CTNND2: variants seen among roughly 807,000 people sequenced by gnomAD.
CTNND2 encodes catenin delta 2.
A neutral mutation model predicts 144.4 loss-of-function variants in CTNND2; 22 were observed. That is an observed-to-expected ratio of 0.15 (90% CI 0.11 to 0.22). The LOEUF (loss-of-function observed/expected upper bound fraction) is 0.22. CTNND2 is among the 10% of genes least tolerant of loss of function. CTNND2 has a pLI of 1.00. For synonymous variants in CTNND2, 751 were observed against 695.6 expected (o/e 1.08, Z -1.25); for missense variants, 1,353 against 1,618.8 (o/e 0.84, Z 2.82).
intron 1 of CTNND2, among the ~76,000 whole-genome samples, chr5:11,880,048 T>A (rs1261712253): frequency 6.6e-6 from 1 of 152,154 alleles, no homozygotes; most frequent in African/African-American, 2.4e-5. Context: ...ATTCAACTCT[T>A]GCCAATCCAT....
In CTNND2 at chr5:11,798,259, CAAAAAAA is replaced by C. The variant is rs78238644; in HGVS notation, c.38-65994_38-65988del. On this transcript the variant is annotated intron_variant, in intron 1 of 21. Transcript: ENST00000304623. ...CCTGGGTGACAGAGTGAGACTGTTT[CAAAAAAA>C]AAAAAAAAAAAGGTTTGTGTGTCTT... 9.9e-5 allele frequency among the ~76,000 whole-genome samples: 6 copies of C among 60,470 alleles called. No homozygotes were observed. In the East Asian group the frequency reaches 2.2e-3, roughly 22 times the overall value. The allele number at this position is 60,470 out of a possible 152,430, so 39.7% of individuals were successfully genotyped here.
intron 15 of CTNND2, among the ~76,000 whole-genome samples, chr5:11,089,695 C>A (rs938144184): frequency 1.3e-5 from 2 of 152,196 alleles, no homozygotes; most frequent in Non-Finnish European, 2.9e-5. Flanking sequence ...ACCACTTCCA[C>A]AAAACGACTG....
At chr5:11,757,335 T>C (rs984268579) in intron 1 of CTNND2, among the ~76,000 whole-genome samples, 1 of 151,848 alleles carries the variant, frequency 6.6e-6, no homozygotes, top group African/African-American at 2.4e-5. Flanking sequence ...CCCACTGTAT[T>C]GATGTATCAT....
intron 16 of CTNND2, among the ~76,000 whole-genome samples, chr5:11,047,298 A>G (rs1299032421): frequency 6.6e-6 from 1 of 152,214 alleles, no homozygotes; most frequent in Non-Finnish European, 1.5e-5. Context: ...AACTGGTTCT[A>G]CAGGAACGCA....
chr5:11,816,291 C>T (rs1373329684), intron 1 of CTNND2, among the ~76,000 whole-genome samples: 2 of 152,118 alleles, frequency 1.3e-5, no homozygotes, highest in Non-Finnish European at 2.9e-5. Flanking sequence ...CAAAAGAGAA[C>T]TGAGCTTGAA....
chr5:11,058,014 T>G (rs1430271742), intron 16 of CTNND2, among the ~76,000 whole-genome samples: 1 of 152,196 alleles, frequency 6.6e-6, no homozygotes, highest in African/African-American at 2.4e-5. Flanking sequence ...CAGCAAAGCA[T>G]TCAAAAGGTG....
chr5:11,098,663 T>C lies in CTNND2; in HGVS notation c.2549A>G (p.Tyr850Cys). The C allele has an allele frequency of 6.2e-7, 1 of 1,614,104 alleles. No individual in the cohort carries two copies. Among genetic ancestry groups the C allele is most frequent in the Non-Finnish European group, 8.5e-7 (1 of 1,180,000 alleles). The change falls in exon 15 of 22, where the codon TAC becomes TGC. Residue 850 changes from tyrosine to cysteine, a missense_variant. By Grantham distance (194) the Tyr-to-Cys change is radical (BLOSUM62 -2). Around this residue, in one of 4 missense-constraint regions of CTNND2, gnomAD observed 459 missense variants for 674.3 expected, o/e 0.68. Coordinates refer to ENST00000304623, the MANE Select transcript of CTNND2 (RefSeq NM_001332.4). ...MLWHPSIVKP[Y>C]LTLLSECSNP... ...TGAGCACTCAGAGAGCAGTGTGAGG[T>C]AGGGTTTGACTATTGATGGGTGCCA...
At chr5:11,367,305 A>G (rs1374500510) in intron 7 of CTNND2, among the ~76,000 whole-genome samples, 3 of 152,214 alleles carry the variant, frequency 2.0e-5, no homozygotes, top group African/African-American at 7.2e-5. Flanking sequence ...GAAAAGGGCC[A>G]AGGAAACAAA....
chr5:11,082,706 C>T lies in CTNND2; in HGVS notation c.2778G>A (p.Lys926=), dbSNP rs369082429. Reference sequence around the variant, plus strand: ...TCAGGGAGAACATACCGATGAGCTCCTTATTTCTGACGTCCAAGGCCATGT... The same window carrying T: ...TCAGGGAGAACATACCGATGAGCTCTTTATTTCTGACGTCCAAGGCCATGT... The part of the protein sequence containing the change: ...LRNMALDVRN[K]ELIGKYAMRD... The change falls in exon 16 of 22, where the codon AAG becomes AAA. Residue 926 remains lysine, a synonymous_variant. Coordinates refer to ENST00000304623, the MANE Select transcript of CTNND2 (RefSeq NM_001332.4). 241 of 1,614,060 alleles carry T rather than the reference C, an allele frequency of 1.5e-4. No individual in the cohort carries two copies. The highest frequency in any genetic ancestry group is 1.9e-4 in the Non-Finnish European group (230 of 1,179,994).
At chr5:11,378,737 G>GA (rs1407314443) in intron 7 of CTNND2, among the ~76,000 whole-genome samples, 2 of 152,212 alleles carry the variant, frequency 1.3e-5, no homozygotes, top group African/African-American at 4.8e-5. Context: ...CATTTCCTTT[G>GA]AAAACCTCAC....
intron 9 of CTNND2, among the ~76,000 whole-genome samples, chr5:11,322,482 C>T (rs1057399657): frequency 6.6e-6 from 1 of 152,158 alleles, no homozygotes; most frequent in African/African-American, 2.4e-5. Flanking sequence ...GATATAAATG[C>T]ACTATCCCAC....
chr5:11,190,425 G>A (rs1211135331), intron 11 of CTNND2, among the ~76,000 whole-genome samples: 1 of 152,236 alleles, frequency 6.6e-6, no homozygotes, highest in Non-Finnish European at 1.5e-5. Flanking sequence ...AAGGGAAGCT[G>A]CCCTGATCCA....
intron 3 of CTNND2, among the ~76,000 whole-genome samples, chr5:11,462,821 C>T (rs979787596): frequency 9.9e-5 from 15 of 151,912 alleles, no homozygotes; most frequent in Non-Finnish European, 1.9e-4. Context: ...TAACACTTGT[C>T]TGCAGCAAAT....
intron 2 of CTNND2, among the ~76,000 whole-genome samples, chr5:11,710,539 CAAAA>C (rs1197887467): frequency 7.3e-5 from 5 of 68,766 alleles, no homozygotes; most frequent in South Asian, 5.2e-4. Context: ...GACTCCATCT[CAAAA>C]AAAAAAAAAA....
At chr5:11,698,799 G>A (rs1369859481) in intron 2 of CTNND2, among the ~76,000 whole-genome samples, 4 of 151,770 alleles carry the variant, frequency 2.6e-5, no homozygotes, top group African/African-American at 9.7e-5. Flanking sequence ...AGTAAGAATT[G>A]TCCAGTTCAA....
At chr5:11,326,487 C>T (rs1192036527) in intron 9 of CTNND2, among the ~76,000 whole-genome samples, 3 of 152,126 alleles carry the variant, frequency 2.0e-5, no homozygotes, top group Non-Finnish European at 4.4e-5. Context: ...ACCCCTGGGA[C>T]ACACCATCTC....
At chr5:11,442,901 A>G (rs1168320292) in intron 3 of CTNND2, among the ~76,000 whole-genome samples, 3 of 147,204 alleles carry the variant, frequency 2.0e-5, no homozygotes, top group Non-Finnish European at 4.5e-5. Flanking sequence ...ATTATATATT[A>G]GTGAAAAGCA....
chr5:11,396,948 C>T (rs1470980050), intron 6 of CTNND2, 83 bp downstream of exon 6: 2 of 1,366,298 alleles, frequency 1.5e-6, no homozygotes, highest in African/African-American at 2.9e-5. Context: ...GGCTGGATCT[C>T]CACAATCTCC....
At position 11,098,680 on chromosome 5, in the gene CTNND2, T is replaced by G. The variant is rs1339961106; in HGVS notation, c.2532A>C (p.Pro844=). Residue 844 remains proline (P), a synonymous_variant, in exon 15 of 22, where the codon CCA becomes CCC. Transcript: ENST00000304623. ...PPKGIQMLWH[P]SIVKPYLTLL... ...GTGTGAGGTAGGGTTTGACTATTGATGGGTGCCACAGCATCTGGATCCCTT... is the reference window on the plus strand; with the variant it reads ...GTGTGAGGTAGGGTTTGACTATTGAGGGGTGCCACAGCATCTGGATCCCTT... 2.5e-6 allele frequency: 4 copies of G among 1,614,060 alleles called. No individual in the cohort carries two copies. Among genetic ancestry groups the G allele is most frequent in the Non-Finnish European group, 2.5e-6 (3 of 1,180,008 alleles).
Sources: gnomAD v4.1 joint callset for allele counts (sites outside exome capture counted in the v4.1 genomes callset) on GRCh38, gnomAD v4.1.1 for gene constraint, gnomAD v4.1.1 regional missense constraint, MANE v1.5 for transcripts, NCBI Gene and HGNC (gene_info 2026-07-23, HGNC 2026-07-21) for gene names.